The following CDH18 variants were observed in gnomAD, a reference collection of about 807,000 sequenced individuals.
CDH18 encodes the protein cadherin-18.
A neutral mutation model predicts 67.9 loss-of-function variants in CDH18; 31 were observed. The observed-to-expected ratio is 0.46, with a 90% CI of 0.34 to 0.62. The LOEUF (loss-of-function observed/expected upper bound fraction) is 0.62, where lower values mean the gene tolerates loss of function less well. Ranked by LOEUF, CDH18 falls within the 20% of genes least tolerant of loss-of-function variation. The probability of loss-of-function intolerance (pLI) is 0.01; values close to 1 mark genes in which losing one functional copy is unlikely to be tolerated. For missense variants in CDH18, 890 were observed against 975.5 expected (o/e 0.91, Z 1.17); for synonymous variants, 362 against 347.2 (o/e 1.04, Z -0.48).
chr5:19,970,243 TATTA>T (rs1466177475), intron 2 of CDH18, among the ~76,000 whole-genome samples: 2 of 151,292 alleles, frequency 1.3e-5, no homozygotes, highest in Non-Finnish European at 2.9e-5. Flanking sequence ...TATTAATACA[TATTA>T]TATATAAATA....
At chr5:19,510,936 C>T (rs1204434134) in intron 10 of CDH18, among the ~76,000 whole-genome samples, 4 of 151,908 alleles carry the variant, frequency 2.6e-5, no homozygotes, top group East Asian at 1.9e-4. Flanking sequence ...CTCAGCCTCC[C>T]GAGTAGCTGG....
At chr5:20,469,065 G>T (rs1751868462) in intron 1 of CDH18, among the ~76,000 whole-genome samples, 1 of 152,144 alleles carries the variant, frequency 6.6e-6, no homozygotes, top group Non-Finnish European at 1.5e-5. Flanking sequence ...GTATGTAACG[G>T]TAATGGTGGC....
At chr5:20,489,004 C>T (rs1366665460) in intron 1 of CDH18, among the ~76,000 whole-genome samples, 1 of 151,946 alleles carries the variant, frequency 6.6e-6, no homozygotes, top group East Asian at 1.9e-4. Context: ...CTCCATATTC[C>T]TCAGATGTAG....
intron 2 of CDH18, among the ~76,000 whole-genome samples, chr5:19,949,512 AT>A (rs1365133795): frequency 2.6e-5 from 4 of 152,138 alleles, no homozygotes; most frequent in Non-Finnish European, 4.4e-5. Flanking sequence ...ATGCCCCCAA[AT>A]TTCTAAAAAG....
At chr5:19,556,527 T>C (rs1379321764) in intron 8 of CDH18, among the ~76,000 whole-genome samples, 1 of 151,840 alleles carries the variant, frequency 6.6e-6, no homozygotes, top group African/African-American at 2.4e-5. Context: ...GAAAAAACTT[T>C]AGAACTTGAA....
intron 1 of CDH18, among the ~76,000 whole-genome samples, chr5:19,985,157 A>G (rs1188482803): frequency 1.3e-5 from 2 of 152,124 alleles, no homozygotes; most frequent in Admixed American, 1.3e-4. Context: ...ATGATAATAT[A>G]GCCCTCGTCT....
rs567847511 is a variant in CDH18, at chr5:20,458,495, G to A, written c.-580+116967C>T. The stretch of plus-strand genomic sequence containing the variant: ...TAGCTGGGCGCGGTGGCACGTGCCT[G>A]TAGACCTAGCTACTCAGGATGCTGA... On this transcript the variant is annotated intron_variant, in intron 1 of 14. Transcript: ENST00000507958. Among the ~76,000 whole-genome samples the A allele has an allele frequency of 3.3e-5, 5 of 152,154 alleles. No individual in the cohort carries two copies. In the East Asian group the frequency reaches 9.7e-4, roughly 30 times the overall value.
At chr5:19,484,524 T>G (rs1290474853) in intron 11 of CDH18, among the ~76,000 whole-genome samples, 2 of 152,210 alleles carry the variant, frequency 1.3e-5, no homozygotes, top group Non-Finnish European at 1.5e-5. Context: ...CATACTTGGA[T>G]GTACTGTTCA....
intron 1 of CDH18, among the ~76,000 whole-genome samples, chr5:20,477,789 G>A (rs1472490897): frequency 6.6e-6 from 1 of 152,220 alleles, no homozygotes; most frequent in Non-Finnish European, 1.5e-5. Flanking sequence ...AACCCAGTGA[G>A]ACGCCAGCTG....
At chr5:20,107,249 T>A (rs1265839190) in intron 2 of CDH18, among the ~76,000 whole-genome samples, 1 of 152,078 alleles carries the variant, frequency 6.6e-6, no homozygotes, top group African/African-American at 2.4e-5. Context: ...CCCGGCTATT[T>A]TTTTAGTAGA....
intron 2 of CDH18, among the ~76,000 whole-genome samples, chr5:20,230,988 G>A (rs1321503512): frequency 6.6e-6 from 1 of 152,164 alleles, no homozygotes; most frequent in African/African-American, 2.4e-5. Flanking sequence ...AATGCTCTTT[G>A]CAAGAAGTCT....
chr5:20,162,724 T>C (rs1735987719), intron 2 of CDH18, among the ~76,000 whole-genome samples: 1 of 151,628 alleles, frequency 6.6e-6, no homozygotes, highest in Non-Finnish European at 1.5e-5. Context: ...TATATGTCTT[T>C]ATAATATTCA....
chr5:20,349,358 C>T (rs998592119), intron 1 of CDH18, among the ~76,000 whole-genome samples: 6 of 152,026 alleles, frequency 3.9e-5, no homozygotes, highest in African/African-American at 9.7e-5. Context: ...AATTTACATC[C>T]GTTAAAAATG....
intron 2 of CDH18, among the ~76,000 whole-genome samples, chr5:19,840,217 T>C (rs1782134308): frequency 7.1e-6 from 1 of 140,798 alleles, no homozygotes; most frequent in Non-Finnish European, 1.5e-5. Context: ...GCAGTAAGCC[T>C]AGATCTGAGA....
chr5:20,281,219 C>G lies in CDH18; in HGVS notation c.-579-25714G>C, dbSNP rs924497397. Among the ~76,000 whole-genome samples, 156 of 152,180 alleles carry G rather than the reference C, an allele frequency of 1.0e-3. 1 individual carries two copies. Among genetic ancestry groups the G allele is most frequent in the African/African-American group, 3.6e-3 (150 of 41,524 alleles). The stretch of plus-strand genomic sequence containing the variant: ...AGAAGCTCTTTAGTTTAATTAGATC[C>G]CATTTGTCAATTCTGGCTTTTGTTG... On this transcript the variant is annotated intron_variant, in intron 1 of 14. Coordinates refer to the CDH18 transcript ENST00000507958.
intron 1 of CDH18, among the ~76,000 whole-genome samples, chr5:20,423,099 G>A (rs1248100081): frequency 6.6e-6 from 1 of 151,144 alleles, no homozygotes; most frequent in African/African-American, 2.5e-5. Flanking sequence ...TATTCCAAAT[G>A]AAAAACGGAG....
intron 12 of CDH18, among the ~76,000 whole-genome samples, chr5:19,475,547 C>A (rs936014329): frequency 6.6e-6 from 1 of 151,860 alleles, no homozygotes; most frequent in East Asian, 1.9e-4. Context: ...CACACACACA[C>A]ACACACATAC....
chr5:19,621,590 G>T (rs969675894), intron 5 of CDH18, among the ~76,000 whole-genome samples: 6 of 152,112 alleles, frequency 3.9e-5, no homozygotes, highest in African/African-American at 1.4e-4. Flanking sequence ...AATACTGCAT[G>T]ATCTTACTTA....
intron 5 of CDH18, among the ~76,000 whole-genome samples, chr5:19,712,858 T>C (rs1302704579): frequency 6.6e-6 from 1 of 151,694 alleles, no homozygotes; most frequent in Non-Finnish European, 1.5e-5. Flanking sequence ...AGGGAATCAA[T>C]GGGATTGCAG....
Sources: allele counts gnomAD v4.1 joint callset (sites outside exome capture counted in the v4.1 genomes callset), GRCh38; gene constraint gnomAD v4.1.1; transcripts MANE v1.5; gene names NCBI Gene and HGNC (gene_info 2026-07-23, HGNC 2026-07-21).